MYO18A: variants seen among roughly 807,000 people sequenced by gnomAD.
MYO18A encodes the protein myosin XVIIIA, also known as unconventional myosin-XVIIIa.
MYO18A carries 78 observed loss-of-function variants against 235.8 expected under a neutral mutation model. The observed-to-expected ratio is 0.33, with a 90% confidence interval of 0.28 to 0.40. The LOEUF is 0.40. MYO18A is among the 10% of genes least tolerant of loss of function. MYO18A has a pLI of 1.00. For missense variants in MYO18A, 2,215 were observed against 2,699.3 expected (o/e 0.82, Z 3.98); for synonymous variants, 977 against 1,077.8 (o/e 0.91, Z 1.83).
intron 2 of MYO18A, among the ~76,000 whole-genome samples, chr17:29,130,055 G>T (rs1022882843): frequency 1.3e-5 from 2 of 152,234 alleles, no homozygotes; most frequent in South Asian, 2.1e-4. Flanking sequence ...CTAGCACTTT[G>T]CGAGGCCAAG....
At position 29,074,427 on chromosome 17, in the gene MYO18A, G is replaced by A. The variant is rs765372576; in HGVS notation, c.*343C>T. On this transcript the variant is annotated 3_prime_UTR_variant, in exon 42 of 42. Transcript: ENST00000527372. The surrounding 1 kb of genome is among the most constrained non-coding windows in gnomAD (Gnocchi z 4.4). The stretch of plus-strand genomic sequence containing the variant: ...TGTCCCAGTAGGCAACCTGTCCACC[G>A]TCCCTGAGCAGGGAGCTGAGAGGGA... 16 of 593,712 alleles carry A rather than the reference G, an allele frequency of 2.7e-5. No homozygotes were observed. Among genetic ancestry groups the A allele is most frequent in the South Asian group, 1.8e-4 (8 of 43,384 alleles). The allele number at this position is 593,712 out of a possible 1,614,324, so 36.8% of individuals were successfully genotyped here. A position where few individuals can be genotyped will look rare whatever the true frequency, so the allele number is the denominator to read the frequency against.
In MYO18A at chr17:29,118,117, G is replaced by C. The variant is rs1269691685; in HGVS notation, c.1966C>G (p.Pro656Ala). 1.3e-6 allele frequency: 2 copies of C among 1,595,952 alleles called. No homozygotes were observed. The highest frequency in any genetic ancestry group is 1.7e-5 in the Admixed American group (1 of 57,762). Residue 656 changes from proline to alanine, a missense_variant, in exon 10 of 42, where the codon CCC becomes GCC. Transcript: ENST00000527372. This position sits in a 1 kb window ranked among gnomAD's most constrained non-coding sequence, Gnocchi z 4.2. ...QAAMKVLGIS[P>A]DEQKACWFIL... ...AACCAGCAGGCCTTCTGTTCATCGG[G>C]GGAGATGCCCAGCACCTTCATGGCC...
Position 29,096,752 on chromosome 17 carries a change from C to G in MYO18A, c.4385+9G>C. 1 of 1,588,618 alleles carries G rather than the reference C, an allele frequency of 6.3e-7. No individual in the cohort carries two copies. Among genetic ancestry groups the G allele is most frequent in the South Asian group, 1.2e-5 (1 of 86,616 alleles). Reference sequence around the variant, plus strand: ...GGTTCTCTGGGCCCAGGGCAGGGGGCCCACCCACCTCCTCTGCTTCTTCTC... The same window carrying G: ...GGTTCTCTGGGCCCAGGGCAGGGGGGCCACCCACCTCCTCTGCTTCTTCTC... On this transcript the variant is annotated intron_variant, in intron 28 of 41. Transcript: ENST00000527372.
rs951886824 is a variant in MYO18A, at chr17:29,121,338, A to G, written c.1372-127T>C. ...GTAGTGCCCAGGGATTCCAAGGCCAAGGCCATGCATGGAAATGAAGACACT... is the reference window on the plus strand; with the variant it reads ...GTAGTGCCCAGGGATTCCAAGGCCAGGGCCATGCATGGAAATGAAGACACT... On this transcript the variant is annotated intron_variant, in intron 5 of 41. Transcript: ENST00000527372. The surrounding 1 kb of genome is among the most constrained non-coding windows in gnomAD (Gnocchi z 4.2). The G allele has an allele frequency of 1.4e-5, 17 of 1,173,684 alleles. No homozygotes were observed. Among genetic ancestry groups the G allele is most frequent in the Non-Finnish European group, 1.8e-5 (15 of 830,626 alleles). The allele number at this position is 1,173,684 out of a possible 1,614,324, so 72.7% of individuals were successfully genotyped here. A position where few individuals can be genotyped will look rare whatever the true frequency, so the allele number is the denominator to read the frequency against.
intron 41 of MYO18A, chr17:29,078,014 A>G (rs2066025408): frequency 6.6e-6 from 1 of 151,648 alleles, no homozygotes; most frequent in Admixed American, 6.6e-5. Context: ...ATATTGACTC[A>G]TATATATATA....
Position 29,166,452 on chromosome 17 carries a change from G to C in MYO18A, c.489C>G (p.Pro163=), listed in dbSNP as rs1598397144. Residue 163 remains proline, a synonymous_variant, in exon 2 of 42, where the codon CCC becomes CCG. Coordinates refer to ENST00000527372, the MANE Select transcript of MYO18A (RefSeq NM_078471.4). Reference sequence around the variant, plus strand: ...GAGTCCTCACCTCCACCTGTGGCGAGGGGGCGGCAGAGTGCTCTGAGGGCG... The same window carrying C: ...GAGTCCTCACCTCCACCTGTGGCGACGGGGCGGCAGAGTGCTCTGAGGGCG... ...TSTPSEHSAA[P]SPQVEVRTLE... is the part of the protein sequence containing the mutation. 1 of 1,613,792 alleles carries C rather than the reference G, an allele frequency of 6.2e-7. No individual in the cohort carries two copies. The highest frequency in any genetic ancestry group is 8.5e-7 in the Non-Finnish European group (1 of 1,179,878).
chr17:29,086,869 G>A, intron 38 of MYO18A, 67 bp downstream of exon 38: 3 of 1,500,640 alleles, frequency 2.0e-6, no homozygotes, highest in South Asian at 1.3e-5. Context: ...AGGCCAGAGT[G>A]AGGCATACAC....
rs1245528014 is a variant in MYO18A at position 29,085,595 on chromosome 17, A to G, written c.5897+9T>C. On this transcript the variant is annotated intron_variant, in intron 40 of 41. Transcript: ENST00000527372. ...GACAGGCAGAGAGCACATGCGCTCC[A>G]GTCCTCACAGTTTATTCTTTCTTTT... is the stretch of plus-strand genomic sequence containing the variant. The G allele has an allele frequency of 6.2e-6, 10 of 1,613,746 alleles. No individual in the cohort carries two copies. In the Admixed American group the frequency reaches 6.7e-5, roughly 11 times the overall value.
At chr17:29,108,067 C>T (rs758934127) in intron 19 of MYO18A, among the ~76,000 whole-genome samples, 10 of 152,038 alleles carry the variant, frequency 6.6e-5, no homozygotes, top group Middle Eastern at 6.8e-3. Flanking sequence ...CTTTAAACAG[C>T]GGCCCTCGCA....
intron 31 of MYO18A, 129 bp downstream of exon 31, chr17:29,093,851 G>A: frequency 1.5e-6 from 1 of 675,964 alleles, no homozygotes; most frequent in Non-Finnish European, 2.6e-6. Context: ...GATCCCGAGA[G>A]GCGCTTCCTG....
At position 29,074,153 on chromosome 17, in the gene MYO18A, G is replaced by A. The variant is rs1319400558; in HGVS notation, c.*617C>T. The A allele has an allele frequency of 6.2e-7, 1 of 1,613,506 alleles. No homozygotes were observed. The highest frequency in any genetic ancestry group is 1.1e-5 in the South Asian group (1 of 90,952). On this transcript the variant is annotated 3_prime_UTR_variant, in exon 42 of 42. Coordinates refer to ENST00000527372, the MANE Select transcript of MYO18A (RefSeq NM_078471.4). The surrounding 1 kb of genome is among the most constrained non-coding windows in gnomAD (Gnocchi z 4.4). ...GCTCTCCTCACCAGCGTCTCCAGCT[G>A]CACAGAGAAAGGACTGCTCTCTGAA... is the stretch of plus-strand genomic sequence containing the variant.
intron 11 of MYO18A, 129 bp from the exon 12 acceptor site, chr17:29,115,969 T>G: frequency 9.7e-7 from 1 of 1,026,330 alleles, no homozygotes; most frequent in Non-Finnish European, 1.4e-6. Flanking sequence ...CCGATGGGCT[T>G]CAGGCAGAAC....
intron 2 of MYO18A, among the ~76,000 whole-genome samples, chr17:29,123,014 G>A (rs1308149455): frequency 6.6e-6 from 1 of 152,250 alleles, no homozygotes; most frequent in Non-Finnish European, 1.5e-5. Context: ...GCCCTGCCCT[G>A]TCAAACACAG....
intron 21 of MYO18A, among the ~76,000 whole-genome samples, chr17:29,102,674 A>C (rs2066682904): frequency 6.6e-6 from 1 of 152,208 alleles, no homozygotes; most frequent in South Asian, 2.1e-4. Context: ...GCAGAAGCAA[A>C]GATGGGAAGA....
Position 29,140,389 on chromosome 17 carries a change from T to G in MYO18A, c.1000-18136A>C, listed in dbSNP as rs2067708620. On this transcript the variant is annotated intron_variant, in intron 2 of 41. Coordinates refer to ENST00000527372, the MANE Select transcript of MYO18A (RefSeq NM_078471.4). The surrounding 1 kb of genome is among the most constrained non-coding windows in gnomAD (Gnocchi z 4.2). The stretch of plus-strand genomic sequence containing the variant: ...CCAGAGCAAGGAGACTCCGCTCTGA[T>G]GCTGCTCTGGCTCCGTTAGCAGCTC... The G allele has an allele frequency of 6.2e-6, 8 of 1,284,520 alleles. No homozygotes were observed. Among genetic ancestry groups the G allele is most frequent in the Non-Finnish European group, 8.1e-6 (8 of 986,496 alleles). The allele number at this position is 1,284,520 out of a possible 1,614,324, so 79.6% of individuals were successfully genotyped here. A position where few individuals can be genotyped will look rare whatever the true frequency, so the allele number is the denominator to read the frequency against.
intron 19 of MYO18A, among the ~76,000 whole-genome samples, chr17:29,108,988 G>C (rs1236573173): frequency 1.3e-5 from 2 of 152,070 alleles, no homozygotes; most frequent in Non-Finnish European, 2.9e-5. Flanking sequence ...GATTTATTTA[G>C]AGCAGGGCAG....
At position 29,109,439 on chromosome 17, in the gene MYO18A, C is replaced by A. The variant is rs947417691; in HGVS notation, c.3331+419G>T. ...GTCCATAAAAAAGGGTCTGTCTGAC[C>A]TTTCTTGGGAATTTTAAGTACTTCA... On this transcript the variant is annotated intron_variant, in intron 19 of 41. Transcript: ENST00000527372. This position sits in a 1 kb window ranked among gnomAD's most constrained non-coding sequence, Gnocchi z 4.1. Among the ~76,000 whole-genome samples, 1 of 152,156 alleles carries A rather than the reference C, an allele frequency of 6.6e-6. No individual in the cohort carries two copies. Among genetic ancestry groups the A allele is most frequent in the African/African-American group, 2.4e-5 (1 of 41,418 alleles).
chr17:29,157,500 C>G (rs532220600), intron 2 of MYO18A, among the ~76,000 whole-genome samples: 38 of 152,356 alleles, frequency 2.5e-4, no homozygotes, highest in East Asian at 1.2e-3. Flanking sequence ...CTCCCCTATA[C>G]AGCAGACTAG....
intron 41 of MYO18A, among the ~76,000 whole-genome samples, chr17:29,081,436 G>A (rs1355192807): frequency 6.6e-6 from 1 of 152,178 alleles, no homozygotes; most frequent in African/African-American, 2.4e-5. Context: ...GGGGCTGCTG[G>A]GTGCTTCTGG....
Sources: gnomAD v4.1 joint callset for allele counts (sites outside exome capture counted in the v4.1 genomes callset) on GRCh38, gnomAD v4.1.1 for gene constraint, Gnocchi (gnomAD v3.1) non-coding constraint, MANE v1.5 for transcripts, NCBI Gene and HGNC (gene_info 2026-07-23, HGNC 2026-07-21) for gene names.